The following SPATS2 variants were observed in gnomAD, a reference collection of about 807,000 sequenced individuals.
SPATS2 encodes spermatogenesis associated serine rich 2, also known as spermatogenesis-associated serine-rich protein 2.
In SPATS2, 38 loss-of-function variants were observed where a neutral mutation model predicts 63.7. That is an observed-to-expected ratio of 0.60 (90% CI 0.46 to 0.78). The LOEUF (loss-of-function observed/expected upper bound fraction) is 0.78. Among genes scored for constraint, SPATS2 ranks in the 30% least tolerant of loss-of-function variants. The probability of loss-of-function intolerance (pLI) is 0.00; values close to 1 mark genes in which losing one functional copy is unlikely to be tolerated. For missense variants in SPATS2, 588 were observed against 666.2 expected (o/e 0.88, Z 1.29); for synonymous variants, 207 against 232.9 (o/e 0.89, Z 1.01).
At chr12:49,525,799 C>A in intron 13 of SPATS2, 145 bp from the exon 14 acceptor site, 1 of 865,846 alleles carries the variant, frequency 1.2e-6, no homozygotes, top group Non-Finnish European at 1.7e-6. Context: ...GTTGGATTGG[C>A]TGAGAGAATT....
At chr12:49,510,907 C>T (rs1455977809) in intron 9 of SPATS2, among the ~76,000 whole-genome samples, 1 of 152,124 alleles carries the variant, frequency 6.6e-6, no homozygotes, top group Non-Finnish European at 1.5e-5. Flanking sequence ...TTCTGAGCAA[C>T]TAAATTATGC....
intron 7 of SPATS2, 135 bp from the exon 8 acceptor site, chr12:49,496,698 C>T: frequency 1.2e-6 from 1 of 840,112 alleles, no homozygotes; most frequent in Non-Finnish European, 1.8e-6. Context: ...TCTATTGTTT[C>T]AGTTGATTTT....
At chr12:49,443,383 G>A (rs1181041964) in intron 2 of SPATS2, among the ~76,000 whole-genome samples, 3 of 152,116 alleles carry the variant, frequency 2.0e-5, no homozygotes, top group Non-Finnish European at 4.4e-5. Flanking sequence ...AAAATAAATT[G>A]ACCATAAATG....
At chr12:49,477,962 C>CTTT (rs1002916907) in intron 3 of SPATS2, among the ~76,000 whole-genome samples, 4 of 105,228 alleles carry the variant, frequency 3.8e-5, no homozygotes, top group African/African-American at 7.1e-5. Context: ...GTGGTTTTGT[C>CTTT]TTTTTTTTTT....
At chr12:49,379,550 C>CAAAA (rs565753035) in intron 2 of SPATS2, among the ~76,000 whole-genome samples, 336 of 45,050 alleles carry the variant, frequency 7.5e-3, no homozygotes, top group African/African-American at 0.025. Context: ...GAATCCGTCT[C>CAAAA]AAAAAAAAAA....
intron 2 of SPATS2, among the ~76,000 whole-genome samples, chr12:49,423,997 GT>G (rs1244259549): frequency 6.6e-6 from 1 of 152,188 alleles, no homozygotes; most frequent in Admixed American, 6.5e-5. Context: ...GAGGTTAGGA[GT>G]TTGAGACCAG....
chr12:49,435,871 T>G (rs9739977), intron 2 of SPATS2, among the ~76,000 whole-genome samples: 11,563 of 146,686 alleles, frequency 0.079, 358 homozygotes, highest in African/African-American at 0.13. Flanking sequence ...CTTCAAGCAT[T>G]TGTTTAACAA....
At chr12:49,491,603 A>G (rs1466173065) in intron 6 of SPATS2, among the ~76,000 whole-genome samples, 1 of 152,090 alleles carries the variant, frequency 6.6e-6, no homozygotes, top group African/African-American at 2.4e-5. Context: ...GAGAGGTAGA[A>G]AGCACTCAGG....
At chr12:49,518,842 G>A (rs551717403) in intron 10 of SPATS2, among the ~76,000 whole-genome samples, 1 of 152,250 alleles carries the variant, frequency 6.6e-6, no homozygotes, top group South Asian at 2.1e-4. Context: ...ACTGGAAGGA[G>A]AAATAACAAT....
chr12:49,367,841 G>T (rs922727451), intron 1 of SPATS2, among the ~76,000 whole-genome samples: 3 of 151,936 alleles, frequency 2.0e-5, no homozygotes, highest in Admixed American at 1.3e-4. Context: ...AATGGAGTGT[G>T]GGGGGGACTC....
At position 49,443,919 on chromosome 12, in the gene SPATS2, G is replaced by T. The variant is rs143179634; in HGVS notation, c.-243-16851G>T. Among the ~76,000 whole-genome samples the T allele has an allele frequency of 4.7e-4, 72 of 152,292 alleles. No homozygotes were observed. The South Asian group carries it at 0.012, about 26-fold the overall frequency. ...TAGTAAGTTTTGAAATCAGGTAGTG[G>T]AAGTCCTCCAAAATTTTCAAAATTG... On this transcript the variant is annotated intron_variant, in intron 2 of 13. Transcript: ENST00000552918.
intron 2 of SPATS2, among the ~76,000 whole-genome samples, chr12:49,379,544 C>A: frequency 7.4e-6 from 1 of 134,758 alleles, no homozygotes. Context: ...GAGCGAGAAT[C>A]CGTCTCAAAA....
chr12:49,413,801 C>T (rs1944840266), intron 2 of SPATS2, among the ~76,000 whole-genome samples: 2 of 152,222 alleles, frequency 1.3e-5, no homozygotes, highest in Admixed American at 6.5e-5. Context: ...GGGCATCTCC[C>T]CCCATTCCCA....
upstream of SPATS2, chr12:49,366,919 G>T (rs1260567892): frequency 6.6e-6 from 1 of 151,978 alleles, no homozygotes; most frequent in Non-Finnish European, 1.5e-5. Context: ...GATGCCGCCG[G>T]GTACGAGCTG....
chr12:49,392,236 AT>A (rs201304114), intron 2 of SPATS2, among the ~76,000 whole-genome samples: 586 of 139,714 alleles, frequency 4.2e-3, no homozygotes, highest in African/African-American at 8.0e-3. Context: ...TTTCCATCCT[AT>A]TTTTTTTTTT....
intron 3 of SPATS2, among the ~76,000 whole-genome samples, chr12:49,470,583 A>G (rs2137749011): frequency 6.6e-6 from 1 of 152,338 alleles, no homozygotes; most frequent in South Asian, 2.1e-4. Context: ...GGAGCAGTTC[A>G]CCAGCTGGTA....
intron 2 of SPATS2, among the ~76,000 whole-genome samples, chr12:49,393,962 C>T (rs1026563472): frequency 2.0e-5 from 3 of 152,144 alleles, no homozygotes; most frequent in Non-Finnish European, 4.4e-5. Context: ...AGATTACATG[C>T]GTGAGCCACT....
At chr12:49,524,996 C>A in intron 13 of SPATS2, 100 bp downstream of exon 13, 1 of 1,168,010 alleles carries the variant, frequency 8.6e-7, no homozygotes, top group Non-Finnish European at 1.2e-6. Context: ...TCTCTATTCC[C>A]ATTCCATGCC....
chr12:49,388,049 T>TG (rs1944351868), intron 2 of SPATS2, among the ~76,000 whole-genome samples: 1 of 152,206 alleles, frequency 6.6e-6, no homozygotes, highest in African/African-American at 2.4e-5. Context: ...GTTGGGTAGC[T>TG]GGAACTACAG....
Sources: allele counts gnomAD v4.1 joint callset (sites outside exome capture counted in the v4.1 genomes callset), GRCh38; gene constraint gnomAD v4.1.1; transcripts MANE v1.5; gene names NCBI Gene and HGNC (gene_info 2026-07-23, HGNC 2026-07-21).